Variants in ESPN observed in about 807,000 individuals in gnomAD.
ESPN encodes autosomal recessive deafness type 36 protein.
A neutral mutation model predicts 77.7 loss-of-function variants in ESPN; 68 were observed. The ratio of observed to expected loss-of-function variants is 0.87; its 90% CI spans 0.72 to 1.07. The LOEUF is 1.07. Among genes scored for constraint, ESPN ranks in the 50% least tolerant of loss-of-function variants. The pLI is 0.00. For missense variants in ESPN, 1,060 were observed against 1,239.0 expected (o/e 0.86, Z 2.17); for synonymous variants, 449 against 567.1 (o/e 0.79, Z 2.96).
At position 6,451,624 on chromosome 1, in the gene ESPN, T is replaced by A. The variant is rs749670906; in HGVS notation, c.1937T>A (p.Met646Lys). Residue 646 changes from methionine (M) to lysine (K), a missense_variant, in exon 9 of 13, where the codon ATG becomes AAG. Physicochemically the swap from Met to Lys is moderately conservative, Grantham distance 95. This residue lies in a region of ESPN where 374 missense variants were observed against 381.4 expected (regional missense o/e 0.98). Transcript: ENST00000645284. The surrounding 1 kb of genome is among the most constrained non-coding windows in gnomAD (Gnocchi z 4.3). ...STGSTKSFNM[M>K]SPTGDNSELL... ...ATAGGCACCAAGTCTTTCAACATGATGTCCCCGACGGGCGACAACTCGGAG... is the reference window on the plus strand; with the variant it reads ...ATAGGCACCAAGTCTTTCAACATGAAGTCCCCGACGGGCGACAACTCGGAG... 1 of 1,613,114 alleles carries A rather than the reference T, an allele frequency of 6.2e-7. No homozygotes were observed. The highest frequency in any genetic ancestry group is 8.5e-7 in the Non-Finnish European group (1 of 1,179,886).
intron 2 of ESPN, among the ~76,000 whole-genome samples, chr1:6,434,726 T>C (rs1373402601): frequency 6.6e-6 from 1 of 152,084 alleles, no homozygotes; most frequent in Non-Finnish European, 1.5e-5. Flanking sequence ...TCTATCCATG[T>C]GTGTATGGGT....
chr1:6,452,611 C>T (rs1015020013), intron 10 of ESPN, among the ~76,000 whole-genome samples: 1 of 152,172 alleles, frequency 6.6e-6, no homozygotes, highest in Non-Finnish European at 1.5e-5. Flanking sequence ...AAGGCCTGTT[C>T]GGATTTAGGA....
intron 12 of ESPN, among the ~76,000 whole-genome samples, chr1:6,458,932 CAAA>C (rs543092506): frequency 2.4e-3 from 277 of 113,900 alleles, no homozygotes; most frequent in African/African-American, 6.8e-3. Context: ...GACTCCATTT[CAAA>C]AAAAAAAAAA....
At chr1:6,431,523 T>C (rs1320477038) in intron 2 of ESPN, among the ~76,000 whole-genome samples, 2 of 148,442 alleles carry the variant, frequency 1.3e-5, no homozygotes, top group African/African-American at 5.0e-5. Flanking sequence ...CCCAGCTACT[T>C]GGGAGGCTGA....
At chr1:6,441,866 C>G (rs927587236) in intron 5 of ESPN, among the ~76,000 whole-genome samples, 10 of 152,340 alleles carry the variant, frequency 6.6e-5, no homozygotes, top group South Asian at 4.1e-4. Flanking sequence ...CCCTCCCCCC[C>G]CCAGCACAGG....
rs1643902538 is a variant in ESPN, at chr1:6,449,075, C to T, written c.1899C>T (p.Ser633=). ...GCCCTGGCTGCGGGCAGCGCCGCTC[C>T]TCCTCGTCCACCGGCAGTGAGTAGG... ...SAGPGCGQRR[S]SSSTGSTKSF... Residue 633 remains serine (S), a synonymous_variant, in exon 8 of 13, where the codon TCC becomes TCT. Coordinates refer to ENST00000645284, the MANE Select transcript of ESPN (RefSeq NM_031475.3). 6.7e-7 allele frequency: 1 copy of T among 1,483,468 alleles called. No homozygotes were observed. The highest frequency in any genetic ancestry group is 8.9e-7 in the Non-Finnish European group (1 of 1,124,082). 91.9% of individuals were successfully genotyped at this position (1,483,468 alleles called of 1,614,324 possible).
At position 6,449,046 on chromosome 1, in the gene ESPN, G is replaced by A. The variant is rs758680191; in HGVS notation, c.1870G>A (p.Ala624Thr). ...PPAPPLPLES[A>T]GPGCGQRRSS... ...GGCCCCGCCTCTGCCCCTCGAGAGCGCTGGCCCTGGCTGCGGGCAGCGCCG... is the reference window on the plus strand; with the variant it reads ...GGCCCCGCCTCTGCCCCTCGAGAGCACTGGCCCTGGCTGCGGGCAGCGCCG... The change falls in exon 8 of 13, where the codon GCT becomes ACT. Residue 624 changes from alanine (A) to threonine (T), a missense_variant. Coordinates refer to ENST00000645284, the MANE Select transcript of ESPN (RefSeq NM_031475.3). 1.3e-5 allele frequency: 19 copies of A among 1,483,744 alleles called. No homozygotes were observed. The highest frequency in any genetic ancestry group is 4.5e-5 in the Admixed American group (2 of 44,408). The allele number at this position is 1,483,744 out of a possible 1,614,324, so 91.9% of individuals were successfully genotyped here.
At chr1:6,438,245 C>T (rs1179277840) in intron 2 of ESPN, among the ~76,000 whole-genome samples, 1 of 152,198 alleles carries the variant, frequency 6.6e-6, no homozygotes, top group Non-Finnish European at 1.5e-5. Flanking sequence ...TTCACCTGGA[C>T]ACACCAGGCC....
chr1:6,459,005 C>T (rs1465963620), intron 12 of ESPN, among the ~76,000 whole-genome samples: 1 of 150,630 alleles, frequency 6.6e-6, no homozygotes, highest in African/African-American at 2.4e-5. Flanking sequence ...CTTTGGGAGG[C>T]GGAGGCAGAA....
At chr1:6,459,672 G>T (rs1385483608) in intron 12 of ESPN, among the ~76,000 whole-genome samples, 1 of 151,938 alleles carries the variant, frequency 6.6e-6, no homozygotes, top group African/African-American at 2.4e-5. Flanking sequence ...CTCAAGTCCT[G>T]GTCCCAGTAA....
At chr1:6,458,678 C>T (rs1644096395) in intron 12 of ESPN, among the ~76,000 whole-genome samples, 1 of 151,468 alleles carries the variant, frequency 6.6e-6, no homozygotes, top group Non-Finnish European at 1.5e-5. Flanking sequence ...TACCTGTAAT[C>T]CCAGCACTTT....
At chr1:6,453,391 G>A (rs370449202) in intron 10 of ESPN, among the ~76,000 whole-genome samples, 4 of 152,254 alleles carry the variant, frequency 2.6e-5, no homozygotes, top group African/African-American at 4.8e-5. Context: ...AATGGGGAAC[G>A]CAGGGGACTG....
chr1:6,425,227 C>A lies in ESPN; in HGVS notation c.272C>A (p.Ser91Ter). The stretch of plus-strand genomic sequence containing the variant: ...CTCGCCTGCCTGCAGTGGCTGCTGT[C>A]GCAGGGCGGCTGCAGAGTGCAGGTG... ...GHLACLQWLL[S>*]QGGCRVQDKD... Residue 91 changes from serine (S) to a stop codon, truncating the protein, a stop_gained, in exon 1 of 13, where the codon TCG becomes TAG. Transcript: ENST00000645284. LOFTEE classifies it high-confidence loss of function. 1 of 1,563,080 alleles carries A rather than the reference C, an allele frequency of 6.4e-7. No homozygotes were observed. Among genetic ancestry groups the A allele is most frequent in the South Asian group, 1.2e-5 (1 of 86,534 alleles).
intron 2 of ESPN, among the ~76,000 whole-genome samples, chr1:6,440,006 CTCAAAA>C (rs1643560787): frequency 6.9e-6 from 1 of 144,320 alleles, no homozygotes; most frequent in African/African-American, 2.7e-5. Flanking sequence ...TAGACTTCTT[CTCAAAA>C]AAAAAAGTAG....
chr1:6,451,410 G>A lies in ESPN; in HGVS notation c.1916-193G>A. 1 of 717,294 alleles carries A rather than the reference G, an allele frequency of 1.4e-6. No individual in the cohort carries two copies. The highest frequency in any genetic ancestry group is 1.8e-5 in the South Asian group (1 of 56,512). 44.4% of individuals were successfully genotyped at this position (717,294 alleles called of 1,614,324 possible). ...GAAGATGGTGGGGTTGCCACAGTCAGGGAACCAAGGGCCCGCCTCTGGGGG... is the reference window on the plus strand; with the variant it reads ...GAAGATGGTGGGGTTGCCACAGTCAAGGAACCAAGGGCCCGCCTCTGGGGG... On this transcript the variant is annotated intron_variant, in intron 8 of 12. Transcript: ENST00000645284. This position sits in a 1 kb window ranked among gnomAD's most constrained non-coding sequence, Gnocchi z 4.3.
intron 1 of ESPN, among the ~76,000 whole-genome samples, chr1:6,426,380 C>G (rs1238346011): frequency 6.6e-6 from 1 of 152,174 alleles, no homozygotes; most frequent in Non-Finnish European, 1.5e-5. Flanking sequence ...GGCCAGAAGC[C>G]TCTCTGGCCA....
chr1:6,425,304 C>T, intron 1 of ESPN, 55 bp downstream of exon 1: 1 of 1,541,512 alleles, frequency 6.5e-7, no homozygotes, highest in Non-Finnish European at 8.7e-7. Flanking sequence ...GGACAGAGTC[C>T]TGGCCCAGAG....
intron 10 of ESPN, chr1:6,456,210 G>A: frequency 5.0e-6 from 2 of 397,180 alleles, no homozygotes; most frequent in Non-Finnish European, 8.9e-6. Flanking sequence ...AGCGGAATTC[G>A]GAATTCTCAG....
chr1:6,447,071 A>G lies in ESPN; in HGVS notation c.1464+1136A>G. The G allele has an allele frequency of 6.6e-6, 1 of 152,604 alleles. No individual in the cohort carries two copies. Among genetic ancestry groups the G allele is most frequent in the Non-Finnish European group, 1.5e-5 (1 of 68,222 alleles). 9.5% of individuals were successfully genotyped at this position (152,604 alleles called of 1,614,324 possible). Reference sequence around the variant, plus strand: ...CCCAAATCCACAGGACAGGTGGCCCAGCCAGTGCCCCGTCTCCACCGTTGA... The same window carrying G: ...CCCAAATCCACAGGACAGGTGGCCCGGCCAGTGCCCCGTCTCCACCGTTGA... On this transcript the variant is annotated intron_variant, in intron 7 of 12. Coordinates refer to ENST00000645284, the MANE Select transcript of ESPN (RefSeq NM_031475.3). This position sits in a 1 kb window ranked among gnomAD's most constrained non-coding sequence, Gnocchi z 5.2.
Sources: allele counts gnomAD v4.1 joint callset (sites outside exome capture counted in the v4.1 genomes callset), GRCh38; gene constraint gnomAD v4.1.1; regional missense constraint gnomAD v4.1.1; non-coding constraint Gnocchi (gnomAD v3.1); transcripts MANE v1.5; gene names NCBI Gene and HGNC (gene_info 2026-07-23, HGNC 2026-07-21).